ACOX1: variants seen among roughly 807,000 people sequenced by gnomAD.
The protein encoded by ACOX1 is peroxisomal acyl-coenzyme A oxidase 1.
ACOX1 carries 41 observed loss-of-function variants against 75.5 expected under a neutral mutation model. That is an observed-to-expected ratio of 0.54 (90% CI 0.42 to 0.70). The LOEUF (loss-of-function observed/expected upper bound fraction) is 0.70. ACOX1 is among the 30% of genes least tolerant of loss of function. ACOX1 has a pLI of 0.00. For synonymous variants in ACOX1, 303 were observed against 298.8 expected (o/e 1.01, Z -0.15); for missense variants, 630 against 837.5 (o/e 0.75, Z 3.06).
intron 8 of ACOX1, 61 bp from the exon 9 acceptor site, chr17:75,951,025 G>A: frequency 6.5e-7 from 1 of 1,528,594 alleles, no homozygotes; most frequent in Non-Finnish European, 9.0e-7. Context: ...GAGAACCAAT[G>A]AGAAAACACA....
chr17:75,946,639 G>C lies in ACOX1; in HGVS notation c.*109C>G. On this transcript the variant is annotated 3_prime_UTR_variant, in exon 14 of 14. Coordinates refer to ENST00000293217, the MANE Select transcript of ACOX1 (RefSeq NM_004035.7). ...TTTTTCCCTCCATTTATAAAAAGGG[G>C]TCAATTTATCATTTGCTCTATAGCT... 1 of 898,986 alleles carries C rather than the reference G, an allele frequency of 1.1e-6. No individual in the cohort carries two copies. Among genetic ancestry groups the C allele is most frequent in the Non-Finnish European group, 1.8e-6 (1 of 555,060 alleles). 55.7% of individuals were successfully genotyped at this position (898,986 alleles called of 1,614,324 possible).
chr17:75,946,812 G>C lies in ACOX1; in HGVS notation c.1936-17C>G, dbSNP rs1020019703. ...TTCGTGGACCTGTGGGGAAAGGAGAGAGAAGAACTACTAATAAAGAGTTTG... is the reference window on the plus strand; with the variant it reads ...TTCGTGGACCTGTGGGGAAAGGAGACAGAAGAACTACTAATAAAGAGTTTG... On this transcript the variant is annotated splice_polypyrimidine_tract_variant and intron_variant, in intron 13 of 13. Coordinates refer to ENST00000293217, the MANE Select transcript of ACOX1 (RefSeq NM_004035.7). 1 of 1,611,416 alleles carries C rather than the reference G, an allele frequency of 6.2e-7. No homozygotes were observed. The highest frequency in any genetic ancestry group is 8.5e-7 in the Non-Finnish European group (1 of 1,177,708).
intron 2 of ACOX1, among the ~76,000 whole-genome samples, chr17:75,967,498 A>C (rs965159616): frequency 6.6e-6 from 1 of 150,576 alleles, no homozygotes; most frequent in African/African-American, 2.4e-5. Context: ...AAAACTATCC[A>C]AGTTATGGAA....
chr17:75,963,215 CT>C (rs749000292), intron 2 of ACOX1, among the ~76,000 whole-genome samples: 11 of 152,108 alleles, frequency 7.2e-5, no homozygotes, highest in Non-Finnish European at 1.6e-4. Flanking sequence ...GAAAAGTTAC[CT>C]ACTGGGTACT....
intron 2 of ACOX1, among the ~76,000 whole-genome samples, chr17:75,972,679 C>T (rs1482290331): frequency 6.6e-6 from 1 of 150,920 alleles, no homozygotes; most frequent in African/African-American, 2.4e-5. Context: ...TCTTATCTTC[C>T]TTTACAAACC....
At chr17:75,966,875 G>A (rs1227539656) in intron 2 of ACOX1, among the ~76,000 whole-genome samples, 3 of 151,990 alleles carry the variant, frequency 2.0e-5, no homozygotes, top group Non-Finnish European at 2.9e-5. Context: ...ACCTATCAAT[G>A]TAATATATTT....
chr17:75,975,932 A>G (rs574860458), intron 2 of ACOX1, among the ~76,000 whole-genome samples: 51 of 150,432 alleles, frequency 3.4e-4, no homozygotes, highest in African/African-American at 1.2e-3. Flanking sequence ...AAAGAAAGGA[A>G]AAGAAAGAAA....
chr17:75,949,737 A>T lies in ACOX1; in HGVS notation c.1459T>A (p.Tyr487Asn). ...INSPESLTEA[Y>N]KLRAARLVEI... ...GCTCACCTGGCTGCACGGAGTTTAT[A>T]TGCTTCGGTTAGGCTTTCGGGGCTG... is the stretch of plus-strand genomic sequence containing the variant. The change falls in exon 10 of 14, where the codon TAT becomes AAT. Residue 487 changes from tyrosine to asparagine, a missense_variant. Around this residue, in one of 2 missense-constraint regions of ACOX1, gnomAD observed 240 missense variants for 262.7 expected, o/e 0.91. Coordinates refer to ENST00000293217, the MANE Select transcript of ACOX1 (RefSeq NM_004035.7). The T allele has an allele frequency of 6.2e-7, 1 of 1,614,112 alleles. No homozygotes were observed. Among genetic ancestry groups the T allele is most frequent in the Non-Finnish European group, 8.5e-7 (1 of 1,180,040 alleles).
rs1168320710 is a variant in ACOX1 at position 75,941,842 on chromosome 17, C to T, written c.*4906G>A. 1 of 152,182 alleles carries T rather than the reference C, an allele frequency of 6.6e-6. No homozygotes were observed. Among genetic ancestry groups the T allele is most frequent in the East Asian group, 1.9e-4 (1 of 5,206 alleles). The allele number at this position is 152,182 out of a possible 1,614,324, so 9.4% of individuals were successfully genotyped here. A position where few individuals can be genotyped will look rare whatever the true frequency, so the allele number is the denominator to read the frequency against. On this transcript the variant is annotated 3_prime_UTR_variant, in exon 14 of 14. Coordinates refer to ENST00000293217, the MANE Select transcript of ACOX1 (RefSeq NM_004035.7). ...GAATCCATAACTGGAAATAAAAAGG[C>T]ATTTATGAAGTGTAGTCCGCAGTCT...
At chr17:75,974,740 G>T (rs970888644) in intron 2 of ACOX1, among the ~76,000 whole-genome samples, 1 of 152,040 alleles carries the variant, frequency 6.6e-6, no homozygotes, top group African/African-American at 2.4e-5. Flanking sequence ...CACCTTAAAA[G>T]AAATAATAGT....
At position 75,950,044 on chromosome 17, in the gene ACOX1, A is replaced by T; in HGVS notation, c.1299-147T>A. 1 of 863,550 alleles carries T rather than the reference A, an allele frequency of 1.2e-6. No individual in the cohort carries two copies. Among genetic ancestry groups the T allele is most frequent in the Admixed American group, 2.0e-5 (1 of 49,496 alleles). The allele number at this position is 863,550 out of a possible 1,614,324, so 53.5% of individuals were successfully genotyped here. The stretch of plus-strand genomic sequence containing the variant: ...AACCTCCTCCTCTTGGGTTCAAATG[A>T]ATGATTCTCCTGCCTCAGCCTCCCA... On this transcript the variant is annotated intron_variant, in intron 9 of 13. Transcript: ENST00000293217. The surrounding 1 kb of genome is among the most constrained non-coding windows in gnomAD (Gnocchi z 4.3).
Position 75,978,521 on chromosome 17 carries a change from A to G in ACOX1, c.269+13T>C, listed in dbSNP as rs2066080655. ...GGCTTAACAACACTTGCTCTGTTCTAAGGCATACCTACTTTTTAAACCACA... is the reference window on the plus strand; with the variant it reads ...GGCTTAACAACACTTGCTCTGTTCTGAGGCATACCTACTTTTTAAACCACA... On this transcript the variant is annotated intron_variant, in intron 2 of 13. Coordinates refer to ENST00000293217, the MANE Select transcript of ACOX1 (RefSeq NM_004035.7). This position sits in a 1 kb window ranked among gnomAD's most constrained non-coding sequence, Gnocchi z 4.2. The G allele has an allele frequency of 6.2e-7, 1 of 1,614,070 alleles. No homozygotes were observed.
chr17:75,960,485 T>A lies in ACOX1; in HGVS notation c.270-110A>T, dbSNP rs982463169. The A allele has an allele frequency of 5.5e-6, 6 of 1,090,832 alleles. No individual in the cohort carries two copies. Among genetic ancestry groups the A allele is most frequent in the Non-Finnish European group, 8.1e-6 (6 of 738,812 alleles). 67.6% of individuals were successfully genotyped at this position (1,090,832 alleles called of 1,614,324 possible). On this transcript the variant is annotated intron_variant, in intron 2 of 13. Transcript: ENST00000293217. This position sits in a 1 kb window ranked among gnomAD's most constrained non-coding sequence, Gnocchi z 4.4. ...GAGACAAAAAAACCTTAAGTATGAA[T>A]TAGTTGCGTGCACTTAATCATAGAT... is the stretch of plus-strand genomic sequence containing the variant.
In ACOX1 at chr17:75,947,602, G is replaced by A. The variant is rs2144230218; in HGVS notation, c.1935+649C>T. Among the ~76,000 whole-genome samples the A allele has an allele frequency of 3.3e-5, 5 of 152,172 alleles. No homozygotes were observed. In the Middle Eastern group the frequency reaches 0.01, roughly 311 times the overall value. ...TGAAGGTTCAGATGAAACACAACTA[G>A]CCACGAGTTGATAGTCATTGCTGCT... On this transcript the variant is annotated intron_variant, in intron 13 of 13. Coordinates refer to ENST00000293217, the MANE Select transcript of ACOX1 (RefSeq NM_004035.7).
In ACOX1 at chr17:75,979,077, G is replaced by T. The variant is rs1440326950; in HGVS notation, c.-4C>A. On this transcript the variant is annotated 5_prime_UTR_variant, in exon 1 of 14. Transcript: ENST00000293217. ...CCCTGCGCAGGTCCGGGTTCATGGC[G>T]ACGACCAGCTGGCAGCGAAGTAAGC... The T allele has an allele frequency of 6.2e-6, 10 of 1,611,072 alleles. No individual in the cohort carries two copies. Among genetic ancestry groups the T allele is most frequent in the African/African-American group, 1.3e-5 (1 of 74,934 alleles).
chr17:75,959,721 T>C (rs1598185925), intron 3 of ACOX1, among the ~76,000 whole-genome samples: 2 of 152,306 alleles, frequency 1.3e-5, no homozygotes, highest in Middle Eastern at 3.4e-3. Flanking sequence ...GAACTACTGA[T>C]TGACTCAAAG....
intron 5 of ACOX1, 23 bp from the exon 6 acceptor site, chr17:75,955,704 C>A: frequency 6.2e-7 from 1 of 1,612,284 alleles, no homozygotes; most frequent in South Asian, 1.1e-5. Flanking sequence ...AAAGGACAGT[C>A]ACGAGATGTT....
chr17:75,949,980 G>A (rs2065759632), intron 9 of ACOX1, 83 bp from the exon 10 acceptor site: 1 of 1,496,704 alleles, frequency 6.7e-7, no homozygotes, highest in East Asian at 2.3e-5. Flanking sequence ...TTGTTGCCTA[G>A]GCTGGATGGA....
intron 2 of ACOX1, among the ~76,000 whole-genome samples, chr17:75,966,005 C>T (rs557030142): frequency 6.6e-6 from 1 of 151,862 alleles, no homozygotes; most frequent in Non-Finnish European, 1.5e-5. Flanking sequence ...TAGCACATGC[C>T]TGTAATCCCA....
Sources: gnomAD v4.1 joint callset for allele counts (sites outside exome capture counted in the v4.1 genomes callset) on GRCh38, gnomAD v4.1.1 for gene constraint, gnomAD v4.1.1 regional missense constraint, Gnocchi (gnomAD v3.1) non-coding constraint, MANE v1.5 for transcripts, NCBI Gene and HGNC (gene_info 2026-07-23, HGNC 2026-07-21) for gene names.